SEMA3E: variants seen among roughly 807,000 people sequenced by gnomAD.
The protein encoded by SEMA3E is semaphorin 3E, also known as semaphorin-3E.
SEMA3E carries 49 observed loss-of-function variants against 93.6 expected under a neutral mutation model. The observed-to-expected ratio is 0.52, with a 90% confidence interval of 0.42 to 0.66. The LOEUF is 0.66. Ranked by LOEUF, SEMA3E falls within the 30% of genes least tolerant of loss-of-function variation. SEMA3E has a pLI of 0.00. For missense variants in SEMA3E, 906 were observed against 964.8 expected, an observed-to-expected ratio of 0.94 and a Z score of 0.81; for synonymous variants, 363 against 330.7, an observed-to-expected ratio of 1.10 and a Z score of -1.06.
At chr7:83,574,078 T>A (rs1430485601) in intron 1 of SEMA3E, among the ~76,000 whole-genome samples, 1 of 152,120 alleles carries the variant, frequency 6.6e-6, no homozygotes, top group East Asian at 1.9e-4. Context: ...GATCTTCAAA[T>A]ACTATCCTTG....
intron 4 of SEMA3E, among the ~76,000 whole-genome samples, chr7:83,456,054 A>G (rs578028256): frequency 1.3e-5 from 2 of 152,342 alleles, no homozygotes; most frequent in East Asian, 3.9e-4. Flanking sequence ...AATCAGCTAC[A>G]TTTTTGGTAA....
intron 14 of SEMA3E, among the ~76,000 whole-genome samples, chr7:83,387,535 T>C (rs995657121): frequency 6.6e-6 from 1 of 152,054 alleles, no homozygotes; most frequent in Non-Finnish European, 1.5e-5. Context: ...AATCAATTAG[T>C]ACAAATAGAA....
chr7:83,539,300 C>T (rs1035070696), intron 1 of SEMA3E, among the ~76,000 whole-genome samples: 1 of 152,156 alleles, frequency 6.6e-6, no homozygotes, highest in African/African-American at 2.4e-5. Context: ...TGCTTGGTAT[C>T]CCCGAGTCAG....
intron 11 of SEMA3E, 60 bp from the exon 12 acceptor site, chr7:83,396,789 A>AAG: frequency 8.3e-7 from 1 of 1,208,966 alleles, no homozygotes; most frequent in Non-Finnish European, 1.2e-6. Context: ...GTTTTCAAAA[A>AAG]AACCATGTAG....
intron 1 of SEMA3E, among the ~76,000 whole-genome samples, chr7:83,599,364 CTATGTGAA>C (rs1277334711): frequency 2.6e-5 from 4 of 152,062 alleles, no homozygotes; most frequent in South Asian, 2.1e-4. Flanking sequence ...ACAAAACTTC[CTATGTGAA>C]TATAAGACAC....
At chr7:83,439,881 T>G (rs572945863) in intron 4 of SEMA3E, among the ~76,000 whole-genome samples, 1 of 152,262 alleles carries the variant, frequency 6.6e-6, no homozygotes, top group African/African-American at 2.4e-5. Context: ...TATGTAAAAC[T>G]CAGACATAGG....
chr7:83,633,568 A>G (rs1423850807), intron 1 of SEMA3E, among the ~76,000 whole-genome samples: 1 of 152,176 alleles, frequency 6.6e-6, no homozygotes, highest in African/African-American at 2.4e-5. Flanking sequence ...GTTTTTTTAA[A>G]CTTCAGCAGA....
At chr7:83,515,124 G>A (rs1221856943) in intron 1 of SEMA3E, among the ~76,000 whole-genome samples, 2 of 152,024 alleles carry the variant, frequency 1.3e-5, no homozygotes, top group Non-Finnish European at 2.9e-5. Context: ...TTAGAGTGAG[G>A]AGACAGGAAA....
intron 4 of SEMA3E, among the ~76,000 whole-genome samples, chr7:83,453,367 C>T (rs1352772787): frequency 2.0e-5 from 3 of 150,780 alleles, no homozygotes; most frequent in Non-Finnish European, 4.4e-5. Context: ...ATCTGTTTCG[C>T]ATTTAACTTT....
At chr7:83,374,179 C>T (rs1794787710) in intron 16 of SEMA3E, among the ~76,000 whole-genome samples, 1 of 131,644 alleles carries the variant, frequency 7.6e-6, no homozygotes, top group Non-Finnish European at 1.5e-5. Flanking sequence ...GCACTCCAGC[C>T]TGGGTTACAA....
At chr7:83,502,762 G>A (rs149657151) in intron 1 of SEMA3E, among the ~76,000 whole-genome samples, 6 of 152,122 alleles carry the variant, frequency 3.9e-5, no homozygotes, top group Non-Finnish European at 5.9e-5. Context: ...TTCTGACAAG[G>A]AACATGTTCC....
intron 2 of SEMA3E, among the ~76,000 whole-genome samples, chr7:83,487,694 T>TGTGTGC (rs1275989383): frequency 1.3e-5 from 2 of 148,394 alleles, no homozygotes; most frequent in East Asian, 3.9e-4. Context: ...TGTGTGTGTG[T>TGTGTGC]GTGTGTGTGT....
intron 4 of SEMA3E, among the ~76,000 whole-genome samples, chr7:83,454,910 T>C (rs555808845): frequency 3.3e-5 from 5 of 152,234 alleles, no homozygotes; most frequent in Non-Finnish European, 7.3e-5. Flanking sequence ...ATTTCCAGTC[T>C]ATAACATTTA....
At chr7:83,427,994 G>C (rs1348145107) in intron 4 of SEMA3E, among the ~76,000 whole-genome samples, 3 of 152,202 alleles carry the variant, frequency 2.0e-5, no homozygotes, top group Non-Finnish European at 2.9e-5. Context: ...ATGTGATATG[G>C]AGAAATTTTT....
intron 1 of SEMA3E, among the ~76,000 whole-genome samples, chr7:83,602,089 C>G (rs545017997): frequency 4.6e-5 from 7 of 152,212 alleles, no homozygotes; most frequent in Admixed American, 3.9e-4. Context: ...ACGAGTCACT[C>G]TAAGTAGTGG....
At chr7:83,423,353 C>G (rs1788706115) in intron 4 of SEMA3E, among the ~76,000 whole-genome samples, 1 of 151,878 alleles carries the variant, frequency 6.6e-6, no homozygotes, top group Admixed American at 6.6e-5. Context: ...TTGACTAAAC[C>G]CTCCTTTCTC....
intron 1 of SEMA3E, among the ~76,000 whole-genome samples, chr7:83,619,466 C>T (rs1344218887): frequency 4.6e-5 from 7 of 151,690 alleles, no homozygotes; most frequent in African/African-American, 1.7e-4. Flanking sequence ...AAATGTGATC[C>T]CTTGAGCTAC....
chr7:83,557,708 C>T (rs896860918), intron 1 of SEMA3E, among the ~76,000 whole-genome samples: 1 of 152,098 alleles, frequency 6.6e-6, no homozygotes, highest in African/African-American at 2.4e-5. Flanking sequence ...TTCCTCCTTC[C>T]TACCGATTCT....
intron 1 of SEMA3E, among the ~76,000 whole-genome samples, chr7:83,518,110 G>A (rs1365077508): frequency 2.7e-5 from 4 of 146,526 alleles, no homozygotes; most frequent in Non-Finnish European, 6.0e-5. Context: ...TTTTCTTCAT[G>A]AAAGAAAAGT....
Sources: gnomAD v4.1 joint callset for allele counts (sites outside exome capture counted in the v4.1 genomes callset) on GRCh38, gnomAD v4.1.1 for gene constraint, MANE v1.5 for transcripts, NCBI Gene and HGNC (gene_info 2026-07-23, HGNC 2026-07-21) for gene names.